HECTD4: variants seen among roughly 807,000 people sequenced by gnomAD.
The protein encoded by HECTD4 is probable E3 ubiquitin-protein ligase HECTD4.
Under a neutral mutation model 471.5 loss-of-function variants are expected in HECTD4, and 114 were observed. The ratio of observed to expected loss-of-function variants is 0.24; its 90% CI spans 0.21 to 0.28. HECTD4 has a LOEUF of 0.28. HECTD4 is among the 10% of genes least tolerant of loss of function. The pLI, the probability that HECTD4 is intolerant of heterozygous loss-of-function variation, is 1.00. For synonymous variants in HECTD4, 2,012 were observed against 2,256.0 expected (o/e 0.89, Z 3.07); for missense variants, 3,866 against 5,651.5 (o/e 0.68, Z 10.13).
At chr12:112,325,990 T>C (rs2035736147) in intron 1 of HECTD4, among the ~76,000 whole-genome samples, 1 of 152,086 alleles carries the variant, frequency 6.6e-6, no homozygotes, top group Non-Finnish European at 1.5e-5. Flanking sequence ...GGTCTCGCTA[T>C]GTTGCCCAGG....
intron 59 of HECTD4, among the ~76,000 whole-genome samples, chr12:112,191,167 G>A (rs2032065845): frequency 6.6e-6 from 1 of 152,230 alleles, no homozygotes; most frequent in African/African-American, 2.4e-5. Flanking sequence ...CATCCCTCCA[G>A]GGAGTCCGCT....
intron 7 of HECTD4, among the ~76,000 whole-genome samples, chr12:112,300,740 G>A (rs2035145332): frequency 6.6e-6 from 1 of 151,914 alleles, no homozygotes. Flanking sequence ...TAAGACTACA[G>A]GAGTGTGCCA....
intron 73 of HECTD4, 46 bp downstream of exon 73, chr12:112,164,063 T>C (rs1393430656): frequency 1.4e-6 from 2 of 1,380,224 alleles, no homozygotes; most frequent in East Asian, 2.7e-5. Context: ...CCTGGCTGGC[T>C]GGCCGGGCCA....
At position 112,193,150 on chromosome 12, in the gene HECTD4, G is replaced by T; in HGVS notation, c.8997C>A (p.Ser2999=). The T allele has an allele frequency of 6.2e-7, 1 of 1,613,940 alleles. No individual in the cohort carries two copies. Among genetic ancestry groups the T allele is most frequent in the Non-Finnish European group, 8.5e-7 (1 of 1,179,866 alleles). ...EQFPSEEFPI[S]ESKVNMDVNF... is the part of the protein sequence containing the mutation. ...TCACGTCCATGTTGACTTTGGATTC[G>T]GAAATTGGGAACTCTTCGGAGGGGA... The change falls in exon 58 of 76, where the codon TCC becomes TCA. Residue 2999 remains serine (S), a synonymous_variant. Coordinates refer to ENST00000682272, the MANE Select transcript of HECTD4 (RefSeq NM_001388303.1). This position sits in a 1 kb window ranked among gnomAD's most constrained non-coding sequence, Gnocchi z 5.2.
At chr12:112,313,301 T>G (rs925597231) in intron 3 of HECTD4, among the ~76,000 whole-genome samples, 154 bp from the exon 4 acceptor site, 17 of 151,882 alleles carry the variant, frequency 1.1e-4, no homozygotes, top group Admixed American at 4.6e-4. Flanking sequence ...TTTATAGTAT[T>G]TTTATTTTTT....
rs141395690 is a variant in HECTD4 at position 112,338,256 on chromosome 12, T to C, written c.178-18514A>G. On this transcript the variant is annotated intron_variant, in intron 1 of 75. Transcript: ENST00000682272. ...TCTTATGTAGACACTTATGATTCCA[T>C]TTAAATACTGATGATTCCACATCTA... Among the ~76,000 whole-genome samples the C allele has an allele frequency of 2.5e-3, 381 of 152,332 alleles. 1 individual carries two copies. The highest frequency in any genetic ancestry group is 7.6e-3 in the African/African-American group (315 of 41,566).
intron 54 of HECTD4, among the ~76,000 whole-genome samples, chr12:112,202,698 C>G (rs1284603137): frequency 6.6e-6 from 1 of 152,152 alleles, no homozygotes; most frequent in Non-Finnish European, 1.5e-5. Flanking sequence ...TTCTCAAATA[C>G]AAGGATGGGC....
At position 112,197,788 on chromosome 12, in the gene HECTD4, A is replaced by G. The variant is rs142869912; in HGVS notation, c.8568-2722T>C. On this transcript the variant is annotated intron_variant, in intron 55 of 75. Transcript: ENST00000682272. ...AAAATGACCAAAAGACTTATTAAAT[A>G]AAGCTTTAAAAGCTTTTAATAATAC... Among the ~76,000 whole-genome samples the G allele has an allele frequency of 4.7e-3, 721 of 152,346 alleles. 7 individuals carry two copies. Among genetic ancestry groups the G allele is most frequent in the African/African-American group, 0.016 (660 of 41,570 alleles).
chr12:112,297,517 G>T (rs2035067072), intron 7 of HECTD4, among the ~76,000 whole-genome samples: 1 of 152,008 alleles, frequency 6.6e-6, no homozygotes, highest in African/African-American at 2.4e-5. Context: ...AGAGCAGACA[G>T]TATTTGCTGA....
intron 1 of HECTD4, chr12:112,322,404 A>G (rs1171479229): frequency 6.5e-6 from 1 of 152,734 alleles, no homozygotes; most frequent in African/African-American, 2.4e-5. Context: ...ATGCAAGTAG[A>G]AAAACTTTGT....
At chr12:112,237,128 T>C (rs1164243330) in intron 34 of HECTD4, 30 bp from the exon 35 acceptor site, 4 of 1,523,686 alleles carry the variant, frequency 2.6e-6, no homozygotes, top group South Asian at 1.2e-5. Context: ...AAAAAAGAGA[T>C]TGGTGAAAAC....
At chr12:112,346,463 C>T (rs1031412402) in intron 1 of HECTD4, among the ~76,000 whole-genome samples, 4 of 152,150 alleles carry the variant, frequency 2.6e-5, no homozygotes, top group African/African-American at 7.2e-5. Context: ...TGCCCACCCT[C>T]GACTGCCACT....
intron 9 of HECTD4, among the ~76,000 whole-genome samples, chr12:112,276,432 A>T (rs2034528337): frequency 1.3e-5 from 2 of 152,086 alleles, no homozygotes; most frequent in South Asian, 4.2e-4. Flanking sequence ...TAACATAAAA[A>T]CCCAATTTTT....
At chr12:112,257,930 C>T (rs920079718) in intron 20 of HECTD4, among the ~76,000 whole-genome samples, 7 of 152,186 alleles carry the variant, frequency 4.6e-5, no homozygotes, top group Non-Finnish European at 7.3e-5. Context: ...TGGCTCACGC[C>T]TGTAATCCCA....
chr12:112,181,818 G>A (rs1004670322), intron 62 of HECTD4, among the ~76,000 whole-genome samples: 5 of 152,162 alleles, frequency 3.3e-5, no homozygotes, highest in Admixed American at 6.5e-5. Flanking sequence ...TTGGCTGGGC[G>A]CAGTGGTTCA....
intron 59 of HECTD4, 127 bp from the exon 60 acceptor site, chr12:112,191,092 G>T: frequency 2.8e-6 from 2 of 705,994 alleles, no homozygotes; most frequent in Non-Finnish European, 4.6e-6. Context: ...ATCTGCTCCA[G>T]CAGGAGGACA....
intron 51 of HECTD4, 71 bp from the exon 52 acceptor site, chr12:112,208,071 C>T (rs1029938460): frequency 2.0e-6 from 3 of 1,538,354 alleles, no homozygotes; most frequent in African/African-American, 1.4e-5. Context: ...CCCTAACTTA[C>T]AGCCCTCACC....
Position 112,248,301 on chromosome 12 carries a change from A to C in HECTD4, c.4143+19T>G. On this transcript the variant is annotated intron_variant, in intron 26 of 75. Coordinates refer to ENST00000682272, the MANE Select transcript of HECTD4 (RefSeq NM_001388303.1). Reference sequence around the variant, plus strand: ...ATTTCCATAAAAGAAATTGTTTCCAACAGTTATCAGACATTTACCTGCAGC... The same window carrying C: ...ATTTCCATAAAAGAAATTGTTTCCACCAGTTATCAGACATTTACCTGCAGC... 1 of 1,562,896 alleles carries C rather than the reference A, an allele frequency of 6.4e-7. No homozygotes were observed. The highest frequency in any genetic ancestry group is 8.7e-7 in the Non-Finnish European group (1 of 1,151,422).
intron 22 of HECTD4, among the ~76,000 whole-genome samples, chr12:112,252,810 A>AT (rs199504908): frequency 0.021 from 2,939 of 141,012 alleles, 32 homozygotes; most frequent in South Asian, 0.038. Context: ...CTTGAAAATA[A>AT]TTTTTTTTTT....
Sources: gnomAD v4.1 joint callset for allele counts (sites outside exome capture counted in the v4.1 genomes callset) on GRCh38, gnomAD v4.1.1 for gene constraint, Gnocchi (gnomAD v3.1) non-coding constraint, MANE v1.5 for transcripts, NCBI Gene and HGNC (gene_info 2026-07-23, HGNC 2026-07-21) for gene names.